The following CAMTA1 variants were observed in gnomAD, a reference collection of about 807,000 sequenced individuals.
CAMTA1 encodes the protein calmodulin binding transcription activator 1, also known as calmodulin-binding transcription activator 1.
A neutral mutation model predicts 170.9 loss-of-function variants in CAMTA1; 27 were observed. That is an observed-to-expected ratio of 0.16 (90% confidence interval 0.12 to 0.22). The LOEUF is 0.22. Ranked by LOEUF, CAMTA1 falls within the 10% of genes least tolerant of loss-of-function variation. CAMTA1 has a pLI of 1.00. For synonymous variants in CAMTA1, 833 were observed against 891.5 expected (o/e 0.93, Z 1.17); for missense variants, 1,619 against 2,217.2 (o/e 0.73, Z 5.42).
At chr1:6,956,601 A>G (rs1397168465) in intron 3 of CAMTA1, among the ~76,000 whole-genome samples, 2 of 152,120 alleles carry the variant, frequency 1.3e-5, no homozygotes, top group Non-Finnish European at 1.5e-5. Flanking sequence ...TCTTAAATGA[A>G]CTTGTCGGTG....
rs1012870310 is a variant in CAMTA1 at position 6,785,590 on chromosome 1, G to A, written c.45+15G>A. ...CAAGCCGGAAGGTAAGAGCCGGAGC[G>A]CGAGGGGCTGGGGGGCGGCGCGGCG... is the stretch of plus-strand genomic sequence containing the variant. On this transcript the variant is annotated intron_variant, in intron 1 of 22. Transcript: ENST00000303635. 4 of 1,040,666 alleles carry A rather than the reference G, an allele frequency of 3.8e-6. No individual in the cohort carries two copies. Among genetic ancestry groups the A allele is most frequent in the East Asian group, 1.1e-4 (1 of 9,516 alleles). The allele number at this position is 1,040,666 out of a possible 1,614,324, so 64.5% of individuals were successfully genotyped here.
At chr1:7,504,250 A>G (rs1429591849) in intron 6 of CAMTA1, among the ~76,000 whole-genome samples, 3 of 152,232 alleles carry the variant, frequency 2.0e-5, no homozygotes, top group Non-Finnish European at 4.4e-5. Context: ...GGTGACAACC[A>G]GGCCATGCAG....
intron 3 of CAMTA1, among the ~76,000 whole-genome samples, chr1:6,953,403 G>A (rs965400262): frequency 2.6e-5 from 4 of 152,206 alleles, no homozygotes; most frequent in African/African-American, 7.2e-5. Context: ...CTTTCTCGCC[G>A]CGTGAGTCCC....
At chr1:6,814,759 G>T (rs1362023169) in intron 1 of CAMTA1, among the ~76,000 whole-genome samples, 3 of 152,182 alleles carry the variant, frequency 2.0e-5, no homozygotes, top group Non-Finnish European at 4.4e-5. Context: ...TTCAGGCGCG[G>T]CTTTAATTCT....
At chr1:7,387,650 G>C (rs997410262) in intron 5 of CAMTA1, among the ~76,000 whole-genome samples, 15 of 152,188 alleles carry the variant, frequency 9.9e-5, no homozygotes, top group African/African-American at 3.1e-4. Flanking sequence ...AACACACACA[G>C]AGAAAAAGCT....
chr1:7,595,175 G>A (rs554312598), intron 6 of CAMTA1, among the ~76,000 whole-genome samples: 4 of 152,282 alleles, frequency 2.6e-5, no homozygotes, highest in East Asian at 3.9e-4. Context: ...TGCGCACTTC[G>A]AGGCAGCCCT....
At chr1:7,631,233 C>T (rs1193734727) in intron 6 of CAMTA1, among the ~76,000 whole-genome samples, 2 of 152,226 alleles carry the variant, frequency 1.3e-5, no homozygotes, top group African/African-American at 4.8e-5. Flanking sequence ...CATGACCCAA[C>T]CGGGCTCCCT....
chr1:7,324,034 A>G (rs1167276097), intron 5 of CAMTA1, among the ~76,000 whole-genome samples: 2 of 152,172 alleles, frequency 1.3e-5, no homozygotes, highest in East Asian at 3.9e-4. Context: ...AATCTTTTCT[A>G]TTCTTCTCCT....
intron 5 of CAMTA1, among the ~76,000 whole-genome samples, chr1:7,404,726 C>T (rs770789869): frequency 5.9e-5 from 9 of 152,102 alleles, no homozygotes; most frequent in Non-Finnish European, 1.2e-4. Context: ...TCACCAGAGC[C>T]GCCTACGGGA....
intron 4 of CAMTA1, among the ~76,000 whole-genome samples, chr1:7,228,373 C>T (rs1295834949): frequency 1.3e-5 from 2 of 152,174 alleles, no homozygotes; most frequent in Admixed American, 1.3e-4. Flanking sequence ...GGGGCCGAGG[C>T]GGGCAGGTTC....
chr1:6,926,466 T>C (rs1329474566), intron 3 of CAMTA1, among the ~76,000 whole-genome samples: 2 of 138,928 alleles, frequency 1.4e-5, no homozygotes, highest in African/African-American at 6.5e-5. Flanking sequence ...CTTTCTTTCT[T>C]TCTTTCTTTC....
chr1:7,531,903 C>T (rs550477161), intron 6 of CAMTA1, among the ~76,000 whole-genome samples: 1 of 152,192 alleles, frequency 6.6e-6, no homozygotes, highest in African/African-American at 2.4e-5. Flanking sequence ...GGCCACAGAA[C>T]CTTTGGGCTG....
chr1:7,499,717 TGC>T (rs1213473437), intron 6 of CAMTA1, among the ~76,000 whole-genome samples: 1 of 143,560 alleles, frequency 7.0e-6, no homozygotes, highest in African/African-American at 2.6e-5. Flanking sequence ...AGTGTGTGTG[TGC>T]ATGTGTGTCC....
intron 5 of CAMTA1, among the ~76,000 whole-genome samples, chr1:7,413,090 G>A (rs1223093659): frequency 6.6e-6 from 1 of 150,618 alleles, no homozygotes; most frequent in African/African-American, 2.4e-5. Context: ...ATTTCTGAGG[G>A]CTCTGTTCTG....
chr1:7,161,811 G>A (rs978296066), intron 4 of CAMTA1, among the ~76,000 whole-genome samples: 3 of 152,186 alleles, frequency 2.0e-5, no homozygotes, highest in Non-Finnish European at 1.5e-5. Flanking sequence ...GGTGAAGGAC[G>A]GGCAAGGGTC....
intron 5 of CAMTA1, among the ~76,000 whole-genome samples, chr1:7,272,744 C>T (rs1462597377): frequency 7.0e-6 from 1 of 142,274 alleles, no homozygotes; most frequent in Non-Finnish European, 1.5e-5. Context: ...AATTGGACCC[C>T]TGCCTCATAC....
chr1:6,838,219 A>G (rs1654080901), intron 3 of CAMTA1, among the ~76,000 whole-genome samples: 1 of 152,172 alleles, frequency 6.6e-6, no homozygotes, highest in Non-Finnish European at 1.5e-5. Context: ...CACTGACAGC[A>G]CCAAGCAGAT....
chr1:7,087,089 T>G (rs1014137865), intron 3 of CAMTA1, among the ~76,000 whole-genome samples: 41 of 152,210 alleles, frequency 2.7e-4, no homozygotes, highest in African/African-American at 7.2e-5. Flanking sequence ...TACCTCGGTT[T>G]TTTTCCTCTG....
At position 7,594,079 on chromosome 1, in the gene CAMTA1, CAGAG is replaced by C. The variant is rs1300817992; in HGVS notation, c.511-46308_511-46305del. On this transcript the variant is annotated intron_variant, in intron 6 of 22. Transcript: ENST00000303635. ...AAAGAGAGAGGGAGGGAGGGAGGGACAGAGAGAGAGAGAGAGGAAAGAAGAAAGA... is the reference window on the plus strand; with the variant it reads ...AAAGAGAGAGGGAGGGAGGGAGGGACAGAGAGAGAGAGGAAAGAAGAAAGA... 1.8e-4 allele frequency among the ~76,000 whole-genome samples: 21 copies of C among 114,368 alleles called. 1 individual carries two copies. The South Asian group carries it at 2.6e-3, about 14-fold the overall frequency. 75.0% of individuals were successfully genotyped at this position (114,368 alleles called of 152,430 possible). A position where few individuals can be genotyped will look rare whatever the true frequency, so the allele number is the denominator to read the frequency against.
Sources: allele counts gnomAD v4.1 joint callset (sites outside exome capture counted in the v4.1 genomes callset), GRCh38; gene constraint gnomAD v4.1.1; transcripts MANE v1.5; gene names NCBI Gene and HGNC (gene_info 2026-07-23, HGNC 2026-07-21).